RELN: variants seen among roughly 807,000 people sequenced by gnomAD.
RELN encodes the protein reelin.
Under a neutral mutation model 427.6 loss-of-function variants are expected in RELN, and 108 were observed. That is an observed-to-expected ratio of 0.25 (90% CI 0.22 to 0.30). The LOEUF is 0.30. RELN is among the 10% of genes least tolerant of loss of function. The pLI is 1.00. For synonymous variants in RELN, 1,524 were observed against 1,513.4 expected, an observed-to-expected ratio of 1.01 and a Z score of -0.16; for missense variants, 3,715 against 4,302.8, an observed-to-expected ratio of 0.86 and a Z score of 3.82.
chr7:103,797,294 T>C (rs777481506), intron 3 of RELN, among the ~76,000 whole-genome samples: 1 of 152,052 alleles, frequency 6.6e-6, no homozygotes, highest in Non-Finnish European at 1.5e-5. Context: ...TTAGTAGAGA[T>C]GGGGTTTCAC....
At chr7:103,744,621 A>G (rs1264011827) in intron 6 of RELN, among the ~76,000 whole-genome samples, 3 of 152,358 alleles carry the variant, frequency 2.0e-5, no homozygotes, top group South Asian at 4.1e-4. Context: ...CTACCATCAG[A>G]GAATACTATA....
At chr7:103,709,975 T>C (rs1789752802) in intron 8 of RELN, among the ~76,000 whole-genome samples, 1 of 152,140 alleles carries the variant, frequency 6.6e-6, no homozygotes, top group African/African-American at 2.4e-5. Flanking sequence ...TTGAGGCAAC[T>C]TGCAGGGGGA....
At chr7:103,826,927 TG>T (rs1370008159) in intron 3 of RELN, among the ~76,000 whole-genome samples, 3 of 151,780 alleles carry the variant, frequency 2.0e-5, no homozygotes, top group African/African-American at 7.3e-5. Flanking sequence ...TCCATTTACT[TG>T]AGTGATCTCC....
intron 1 of RELN, among the ~76,000 whole-genome samples, chr7:103,917,891 T>C (rs1296143329): frequency 1.3e-5 from 2 of 152,130 alleles, no homozygotes; most frequent in Non-Finnish European, 2.9e-5. Context: ...TTTATCTTGC[T>C]CACCACCCTA....
intron 41 of RELN, among the ~76,000 whole-genome samples, chr7:103,548,998 A>G (rs1425770163): frequency 6.6e-6 from 1 of 152,150 alleles, no homozygotes; most frequent in African/African-American, 2.4e-5. Context: ...CCTACAATCT[A>G]TCTTTAGGGT....
At chr7:103,656,427 G>T (rs532476594) in intron 12 of RELN, among the ~76,000 whole-genome samples, 1 of 152,026 alleles carries the variant, frequency 6.6e-6, no homozygotes, top group East Asian at 1.9e-4. Context: ...GAATCTGGGG[G>T]TGAGCCTGTT....
intron 1 of RELN, among the ~76,000 whole-genome samples, chr7:103,957,146 A>C (rs1305471006): frequency 6.6e-6 from 1 of 152,142 alleles, no homozygotes; most frequent in Non-Finnish European, 1.5e-5. Flanking sequence ...TGGAAATATT[A>C]ATGGAACTCA....
chr7:103,903,653 C>CT (rs374541017), intron 2 of RELN, among the ~76,000 whole-genome samples: 3 of 151,528 alleles, frequency 2.0e-5, no homozygotes, highest in Non-Finnish European at 4.4e-5. Context: ...TCCTGATGTT[C>CT]TTTTTTTTGT....
At chr7:103,788,423 T>C (rs898893370) in intron 3 of RELN, among the ~76,000 whole-genome samples, 2 of 152,170 alleles carry the variant, frequency 1.3e-5, no homozygotes, top group South Asian at 2.1e-4. Context: ...ATGACACGAT[T>C]GTATATTTAG....
At chr7:103,527,893 T>A (rs1479779211) in intron 46 of RELN, among the ~76,000 whole-genome samples, 2 of 152,116 alleles carry the variant, frequency 1.3e-5, no homozygotes, top group Admixed American at 6.5e-5. Flanking sequence ...CTCACACCCA[T>A]GAAGATGGCA....
intron 2 of RELN, among the ~76,000 whole-genome samples, chr7:103,848,474 A>C (rs946193288): frequency 3.3e-5 from 5 of 152,294 alleles, no homozygotes; most frequent in African/African-American, 1.2e-4. Flanking sequence ...GACAGGTCCA[A>C]CATAAAAACA....
intron 3 of RELN, among the ~76,000 whole-genome samples, chr7:103,817,783 T>TA (rs1463288247): frequency 6.6e-6 from 1 of 151,656 alleles, no homozygotes; most frequent in Non-Finnish European, 1.5e-5. Flanking sequence ...TCGTTTCTAC[T>TA]AAAAATACAA....
chr7:103,901,604 T>C (rs1795086156), intron 2 of RELN, among the ~76,000 whole-genome samples: 2 of 152,122 alleles, frequency 1.3e-5, no homozygotes, highest in South Asian at 4.1e-4. Context: ...TGCTTCAATA[T>C]GGATAAACTT....
chr7:103,755,854 C>T (rs1318021756), intron 4 of RELN, among the ~76,000 whole-genome samples: 1 of 149,578 alleles, frequency 6.7e-6, no homozygotes, highest in East Asian at 1.9e-4. Context: ...GTTTACCATG[C>T]CTAACGTTAG....
At chr7:103,572,314 A>G in intron 30 of RELN, 54 bp from the exon 31 acceptor site, 1 of 970,966 alleles carries the variant, frequency 1.0e-6, no homozygotes, top group Non-Finnish European at 1.7e-6. Context: ...AAGAGCTGTA[A>G]GCATTAGCGT....
At chr7:103,800,387 T>C (rs1312678716) in intron 3 of RELN, among the ~76,000 whole-genome samples, 1 of 152,096 alleles carries the variant, frequency 6.6e-6, no homozygotes, top group Non-Finnish European at 1.5e-5. Context: ...CCATTCACAA[T>C]TGCTACAAAG....
chr7:103,728,615 C>A (rs1397288202), intron 6 of RELN, among the ~76,000 whole-genome samples: 1 of 152,130 alleles, frequency 6.6e-6, no homozygotes, highest in African/African-American at 2.4e-5. Flanking sequence ...ATAATATATA[C>A]ATGCCCAATA....
intron 16 of RELN, among the ~76,000 whole-genome samples, chr7:103,649,389 T>A (rs921651068): frequency 1.3e-5 from 2 of 151,968 alleles, no homozygotes; most frequent in African/African-American, 4.8e-5. Context: ...TGTGTACACA[T>A]GGACATAGAC....
At chr7:103,706,915 C>G (rs1834214540) in intron 8 of RELN, among the ~76,000 whole-genome samples, 1 of 152,184 alleles carries the variant, frequency 6.6e-6, no homozygotes, top group East Asian at 1.9e-4. Flanking sequence ...TGCACATTCC[C>G]TGACCATTCC....
Sources: gnomAD v4.1 joint callset for allele counts (sites outside exome capture counted in the v4.1 genomes callset) on GRCh38, gnomAD v4.1.1 for gene constraint, MANE v1.5 for transcripts, NCBI Gene and HGNC (gene_info 2026-07-23, HGNC 2026-07-21) for gene names.